The following NRG1 variants were observed in gnomAD, a reference collection of about 807,000 sequenced individuals.
NRG1 encodes the protein pro-neuregulin-1, membrane-bound isoform.
NRG1 carries 18 observed loss-of-function variants against 63.8 expected under a neutral mutation model. The ratio of observed to expected loss-of-function variants is 0.28; its 90% CI spans 0.19 to 0.42. The LOEUF (loss-of-function observed/expected upper bound fraction) is 0.42, where lower values mean the gene tolerates loss of function less well. Among genes scored for constraint, NRG1 ranks in the 10% least tolerant of loss-of-function variants. The pLI is 1.00. For synonymous variants in NRG1, 302 were observed against 301.3 expected, an observed-to-expected ratio of 1.00 and a Z score of -0.02; for missense variants, 762 against 814.7, an observed-to-expected ratio of 0.94 and a Z score of 0.79.
At chr8:32,441,295 T>A (rs1819510270) in intron 1 of NRG1, 1 of 152,116 alleles carries the variant, frequency 6.6e-6, no homozygotes, top group African/African-American at 2.4e-5. Context: ...GTTTGTACCA[T>A]CTCCGTGGTA....
At chr8:32,172,165 A>G (rs1312782289) in intron 1 of NRG1, among the ~76,000 whole-genome samples, 2 of 152,234 alleles carry the variant, frequency 1.3e-5, no homozygotes, top group East Asian at 3.9e-4. Context: ...AGGAGCGATC[A>G]GGCAGTAACA....
chr8:31,745,568 G>A (rs773589312), intron 1 of NRG1, among the ~76,000 whole-genome samples: 1 of 151,932 alleles, frequency 6.6e-6, no homozygotes, highest in African/African-American at 2.4e-5. Flanking sequence ...CTGAAAATGA[G>A]ACTGTTTTAC....
chr8:31,922,487 A>G (rs1833998452), intron 1 of NRG1, among the ~76,000 whole-genome samples: 1 of 152,218 alleles, frequency 6.6e-6, no homozygotes, highest in Non-Finnish European at 1.5e-5. Flanking sequence ...CGCCATTAGC[A>G]GGAGACATTA....
chr8:32,310,089 G>A (rs1856651536), intron 1 of NRG1, among the ~76,000 whole-genome samples: 2 of 152,190 alleles, frequency 1.3e-5, no homozygotes, highest in Non-Finnish European at 2.9e-5. Flanking sequence ...GCAGGGCACT[G>A]CTATGAATCA....
At chr8:31,653,489 C>T (rs903908644) in intron 1 of NRG1, among the ~76,000 whole-genome samples, 6 of 152,176 alleles carry the variant, frequency 3.9e-5, no homozygotes, top group Non-Finnish European at 8.8e-5. Flanking sequence ...CATAGCCAAA[C>T]CTCACCTCCA....
chr8:32,625,617 C>T (rs1323968661), intron 5 of NRG1, among the ~76,000 whole-genome samples: 1 of 151,990 alleles, frequency 6.6e-6, no homozygotes, highest in Non-Finnish European at 1.5e-5. Flanking sequence ...TTGGACTATT[C>T]TCATTATTTC....
intron 5 of NRG1, among the ~76,000 whole-genome samples, chr8:32,619,939 A>G (rs1848042825): frequency 6.6e-6 from 1 of 152,316 alleles, no homozygotes; most frequent in East Asian, 1.9e-4. Context: ...GGCAGGAACC[A>G]GGTCCAGTCT....
At position 31,856,233 on chromosome 8, in the gene NRG1, G is replaced by A. The variant is rs371250625; in HGVS notation, c.37+216802G>A. On this transcript the variant is annotated intron_variant, in intron 1 of 10. Coordinates refer to the NRG1 transcript ENST00000519301. ...TTTCCAACTTGGTTCCATTCTCCCCGTCACTTTCAGGTACACCAATCAGAC... is the reference window on the plus strand; with the variant it reads ...TTTCCAACTTGGTTCCATTCTCCCCATCACTTTCAGGTACACCAATCAGAC... Among the ~76,000 whole-genome samples the A allele has an allele frequency of 7.6e-3, 1,144 of 149,658 alleles. 47 individuals carry two copies. In the South Asian group the frequency reaches 0.12, roughly 16 times the overall value.
intron 1 of NRG1, among the ~76,000 whole-genome samples, chr8:32,159,349 A>T (rs1273417153): frequency 6.6e-6 from 1 of 151,056 alleles, no homozygotes; most frequent in Admixed American, 6.6e-5. Flanking sequence ...CCTGGCTAAC[A>T]AGGTGAAACC....
chr8:32,321,235 C>G (rs772788286), intron 1 of NRG1, among the ~76,000 whole-genome samples: 5 of 152,038 alleles, frequency 3.3e-5, no homozygotes, highest in Non-Finnish European at 7.4e-5. Context: ...ATCACTAAGA[C>G]AATAGGAAAG....
chr8:32,057,008 T>A (rs1315855491), intron 1 of NRG1, among the ~76,000 whole-genome samples: 1 of 152,182 alleles, frequency 6.6e-6, no homozygotes, highest in Non-Finnish European at 1.5e-5. Flanking sequence ...AATCTTTTGC[T>A]ATCACCTACC....
At chr8:31,920,791 A>G in intron 1 of NRG1, among the ~76,000 whole-genome samples, 1 of 152,206 alleles carries the variant, frequency 6.6e-6, no homozygotes, top group South Asian at 2.1e-4. Flanking sequence ...TGGGATGTTA[A>G]CAGCATTTGG....
At chr8:32,739,580 T>TGTTAGAAATTCATAGCA (rs1389700513) in intron 6 of NRG1, among the ~76,000 whole-genome samples, 1 of 152,190 alleles carries the variant, frequency 6.6e-6, no homozygotes, top group Non-Finnish European at 1.5e-5. Flanking sequence ...GGAAACATCA[T>TGTTAGAAATTCATAGCA]GTTAGAAATT....
chr8:31,756,389 G>A (rs912220456), intron 1 of NRG1, among the ~76,000 whole-genome samples: 1 of 152,082 alleles, frequency 6.6e-6, no homozygotes, highest in African/African-American at 2.4e-5. Flanking sequence ...CTTGTTTTGT[G>A]CTGAAAGAAG....
chr8:32,333,284 C>T (rs76816722), intron 1 of NRG1, among the ~76,000 whole-genome samples: 14,380 of 152,118 alleles, frequency 0.095, 676 homozygotes, highest in Middle Eastern at 0.14. Context: ...CAGCAGTCAC[C>T]CCATGTCACC....
intron 1 of NRG1, among the ~76,000 whole-genome samples, chr8:32,580,882 T>G (rs4272338): frequency 0.26 from 39,008 of 152,108 alleles, 5,132 homozygotes; most frequent in South Asian, 0.33. Flanking sequence ...TGATTAATAT[T>G]AGTTGGTTAT....
chr8:32,472,963 C>A (rs1824038899), intron 1 of NRG1, among the ~76,000 whole-genome samples: 1 of 152,106 alleles, frequency 6.6e-6, no homozygotes. Flanking sequence ...TGTGTTTTGA[C>A]CTTTTGCTAT....
At chr8:32,506,880 TA>T (rs950650504) in intron 1 of NRG1, among the ~76,000 whole-genome samples, 2 of 151,704 alleles carry the variant, frequency 1.3e-5, no homozygotes, top group African/African-American at 2.4e-5. Flanking sequence ...ACCCTGCCTC[TA>T]AAAAAAATAA....
intron 1 of NRG1, among the ~76,000 whole-genome samples, chr8:32,173,437 G>A (rs1213338664): frequency 3.3e-5 from 5 of 152,232 alleles, no homozygotes; most frequent in Non-Finnish European, 5.9e-5. Context: ...ATCCACTAAC[G>A]AGCAAAATAA....
Sources: gnomAD v4.1 joint callset for allele counts (sites outside exome capture counted in the v4.1 genomes callset) on GRCh38, gnomAD v4.1.1 for gene constraint, MANE v1.5 for transcripts, NCBI Gene and HGNC (gene_info 2026-07-23, HGNC 2026-07-21) for gene names.